Variants in SPOCK3 observed in about 807,000 individuals in gnomAD.
SPOCK3 encodes SPARC (osteonectin), cwcv and kazal like domains proteoglycan 3.
In SPOCK3, 30 loss-of-function variants were observed where a neutral mutation model predicts 56.6. That is an observed-to-expected ratio of 0.53 (90% CI 0.40 to 0.72). The LOEUF is 0.72. Among genes scored for constraint, SPOCK3 ranks in the 30% least tolerant of loss-of-function variants. The probability of loss-of-function intolerance (pLI) is 0.00; values close to 1 mark genes in which losing one functional copy is unlikely to be tolerated. For missense variants in SPOCK3, 527 were observed against 530.0 expected (o/e 0.99, Z 0.06); for synonymous variants, 196 against 183.3 (o/e 1.07, Z -0.56).
At chr4:166,797,233 CTTTT>C (rs1028695610) in intron 6 of SPOCK3, among the ~76,000 whole-genome samples, 2 of 80,750 alleles carry the variant, frequency 2.5e-5, no homozygotes, top group Non-Finnish European at 4.9e-5. Flanking sequence ...TTCCACCTTT[CTTTT>C]TTTTTTTTTT....
At chr4:166,930,164 A>G (rs971119399) in intron 4 of SPOCK3, among the ~76,000 whole-genome samples, 8 of 152,164 alleles carry the variant, frequency 5.3e-5, no homozygotes, top group African/African-American at 1.7e-4. Context: ...ATGTTTTGCT[A>G]GAAGCATAAC....
At chr4:167,158,019 T>C (rs1040434128) in intron 2 of SPOCK3, among the ~76,000 whole-genome samples, 1 of 152,022 alleles carries the variant, frequency 6.6e-6, no homozygotes, top group Non-Finnish European at 1.5e-5. Flanking sequence ...GAGTGCTATA[T>C]AGATCAAGTG....
chr4:167,208,325 T>C (rs559946193), intron 2 of SPOCK3, among the ~76,000 whole-genome samples: 79 of 152,282 alleles, frequency 5.2e-4, no homozygotes, highest in African/African-American at 1.8e-3. Context: ...AGTTTGCTAT[T>C]TTATTCATAG....
At chr4:167,073,298 T>C (rs781581413) in intron 2 of SPOCK3, among the ~76,000 whole-genome samples, 24 of 151,844 alleles carry the variant, frequency 1.6e-4, no homozygotes, top group Admixed American at 4.6e-4. Flanking sequence ...TGCATGTCCG[T>C]CTGATTAAAT....
intron 4 of SPOCK3, among the ~76,000 whole-genome samples, chr4:166,920,501 G>C (rs1368471822): frequency 6.6e-6 from 1 of 152,138 alleles, no homozygotes; most frequent in African/African-American, 2.4e-5. Context: ...AGCAAAACAA[G>C]CTTTCAACCA....
chr4:167,176,502 C>T (rs28534619), intron 2 of SPOCK3, among the ~76,000 whole-genome samples: 2,605 of 152,174 alleles, frequency 0.017, 67 homozygotes, highest in African/African-American at 0.06. Context: ...TAATGAATTG[C>T]TCTAGTCTAA....
intron 2 of SPOCK3, among the ~76,000 whole-genome samples, chr4:167,075,120 G>A (rs1041612106): frequency 5.3e-5 from 8 of 151,316 alleles, no homozygotes; most frequent in Middle Eastern, 3.4e-3. Context: ...GTGTATGCCC[G>A]TACTATTTGG....
chr4:166,965,198 T>C (rs1452991156), intron 4 of SPOCK3, among the ~76,000 whole-genome samples: 1 of 151,976 alleles, frequency 6.6e-6, no homozygotes, highest in Non-Finnish European at 1.5e-5. Context: ...TTAGAGTCAA[T>C]ATTTTACCAA....
At chr4:166,958,593 T>G (rs1027869952) in intron 4 of SPOCK3, among the ~76,000 whole-genome samples, 2 of 152,150 alleles carry the variant, frequency 1.3e-5, no homozygotes, top group Non-Finnish European at 2.9e-5. Flanking sequence ...CCTATTACCT[T>G]AACTACATAG....
chr4:166,744,053 C>A (rs1190283869), intron 8 of SPOCK3, among the ~76,000 whole-genome samples: 1 of 152,206 alleles, frequency 6.6e-6, no homozygotes. Context: ...CAAAAGGCAA[C>A]AGAAACTTCT....
chr4:167,026,254 A>C (rs1323133799), intron 3 of SPOCK3, among the ~76,000 whole-genome samples: 2 of 152,032 alleles, frequency 1.3e-5, no homozygotes, highest in African/African-American at 4.8e-5. Context: ...TGCCCAGGGA[A>C]TCTCCTCACT....
At chr4:167,156,474 G>C (rs1414795300) in intron 2 of SPOCK3, among the ~76,000 whole-genome samples, 2 of 152,148 alleles carry the variant, frequency 1.3e-5, no homozygotes, top group African/African-American at 2.4e-5. Flanking sequence ...TCGAGCATGA[G>C]TGTTAATCTT....
At chr4:167,144,326 ACAGT>A (rs774615399) in intron 2 of SPOCK3, among the ~76,000 whole-genome samples, 10 of 152,048 alleles carry the variant, frequency 6.6e-5, no homozygotes, top group Non-Finnish European at 7.4e-5. Flanking sequence ...TTTATAATGT[ACAGT>A]CAATTACCCA....
At chr4:167,038,065 A>C (rs1032903626) in intron 3 of SPOCK3, among the ~76,000 whole-genome samples, 4 of 152,152 alleles carry the variant, frequency 2.6e-5, no homozygotes, top group African/African-American at 4.8e-5. Flanking sequence ...GACCAGTTTC[A>C]ACGGCACATG....
At chr4:167,047,442 T>C (rs1173191562) in intron 3 of SPOCK3, among the ~76,000 whole-genome samples, 1 of 152,206 alleles carries the variant, frequency 6.6e-6, no homozygotes, top group Non-Finnish European at 1.5e-5. Flanking sequence ...TGTTTCTTTT[T>C]GCAAAGGCCA....
intron 2 of SPOCK3, among the ~76,000 whole-genome samples, chr4:167,223,084 G>GAATATATATTTTATATATGAATATAT (rs1561341936): frequency 6.4e-5 from 6 of 94,272 alleles, no homozygotes; most frequent in Non-Finnish European, 9.6e-5. Flanking sequence ...TTTTATATAT[G>GAATATATATTTTATATATGAATATAT]AATATATATT....
intron 6 of SPOCK3, among the ~76,000 whole-genome samples, chr4:166,834,587 G>C (rs7659747): frequency 0.055 from 8,374 of 152,260 alleles, 320 homozygotes; most frequent in Non-Finnish European, 0.089. Flanking sequence ...GAGTCTAATA[G>C]GACATTTTCT....
At chr4:166,869,029 T>C (rs772476219) in intron 6 of SPOCK3, among the ~76,000 whole-genome samples, 3 of 152,150 alleles carry the variant, frequency 2.0e-5, no homozygotes, top group Non-Finnish European at 4.4e-5. Context: ...TTTAGTTAGA[T>C]GGGAGAACTG....
At chr4:166,911,781 C>A (rs1378566399) in intron 5 of SPOCK3, among the ~76,000 whole-genome samples, 1 of 152,074 alleles carries the variant, frequency 6.6e-6, no homozygotes, top group South Asian at 2.1e-4. Flanking sequence ...AGGTAATCTG[C>A]CCACCTTGGC....
Sources: gnomAD v4.1 joint callset for allele counts (sites outside exome capture counted in the v4.1 genomes callset) on GRCh38, gnomAD v4.1.1 for gene constraint, MANE v1.5 for transcripts, NCBI Gene and HGNC (gene_info 2026-07-23, HGNC 2026-07-21) for gene names.